Variants in C18orf63 observed in about 807,000 individuals in gnomAD.
C18orf63 encodes uncharacterized protein C18orf63.
Under a neutral mutation model 75.3 loss-of-function variants are expected in C18orf63, and 50 were observed. That is an observed-to-expected ratio of 0.66 (90% confidence interval 0.53 to 0.84). The LOEUF (loss-of-function observed/expected upper bound fraction) is 0.84. Among genes scored for constraint, C18orf63 ranks in the 40% least tolerant of loss-of-function variants. C18orf63 has a pLI of 0.00. For missense variants in C18orf63, 732 were observed against 800.2 expected, an observed-to-expected ratio of 0.91 and a Z score of 1.03; for synonymous variants, 232 against 267.6, an observed-to-expected ratio of 0.87 and a Z score of 1.30.
chr18:74,343,508 A>G lies in C18orf63; in HGVS notation c.795-11A>G, dbSNP rs1984522097. 6.7e-7 allele frequency: 1 copy of G among 1,495,718 alleles called. No individual in the cohort carries two copies. Among genetic ancestry groups the G allele is most frequent in the African/African-American group, 1.4e-5 (1 of 71,304 alleles). 92.7% of individuals were successfully genotyped at this position (1,495,718 alleles called of 1,614,324 possible). On this transcript the variant is annotated splice_polypyrimidine_tract_variant and intron_variant, in intron 10 of 13. Transcript: ENST00000579455. ...TAATAAAATCAGACATTGTTCTTTA[A>G]CATTGTTCAGATATCCTCTCAGTTG...
intron 2 of C18orf63, among the ~76,000 whole-genome samples, chr18:74,320,086 T>C (rs1984093401): frequency 6.6e-6 from 1 of 152,166 alleles, no homozygotes; most frequent in East Asian, 1.9e-4. Flanking sequence ...AATGTTCCAA[T>C]AGAGTAAAAA....
chr18:74,327,831 C>A, intron 4 of C18orf63, 116 bp from the exon 5 acceptor site: 1 of 646,524 alleles, frequency 1.5e-6, no homozygotes, highest in African/African-American at 1.8e-5. Context: ...TAAGTTTTAC[C>A]TAGAACACCC....
chr18:74,341,030 C>T (rs887874062), intron 8 of C18orf63, among the ~76,000 whole-genome samples: 2 of 151,624 alleles, frequency 1.3e-5, no homozygotes, highest in South Asian at 2.1e-4. Flanking sequence ...TTTGGGAGGC[C>T]GAGGCTGGCG....
At chr18:74,319,441 T>G (rs1235032415) in intron 2 of C18orf63, among the ~76,000 whole-genome samples, 1 of 118,146 alleles carries the variant, frequency 8.5e-6, no homozygotes, top group African/African-American at 2.6e-5. Context: ...GTTATTTTAA[T>G]TTGTTTCTTT....
In C18orf63 at chr18:74,330,936, A is replaced by G. The variant is rs1984294512; in HGVS notation, c.495A>G (p.Ala165=). ...AAGCTTGCACAATCAGACTGCCAGC[A>G]CCTGAGGTACCATATATTGTGATTT... ...SIEACTIRLP[A]PELKEFEISQ... is the part of the protein sequence containing the mutation. The change falls in exon 7 of 14, where the codon GCA becomes GCG. Residue 165 remains alanine, a synonymous_variant. Coordinates refer to ENST00000579455, the MANE Select transcript of C18orf63 (RefSeq NM_001174123.2). 1.4e-6 allele frequency: 2 copies of G among 1,422,030 alleles called. No homozygotes were observed. The highest frequency in any genetic ancestry group is 1.4e-5 in the South Asian group (1 of 73,728). 88.1% of individuals were successfully genotyped at this position (1,422,030 alleles called of 1,614,324 possible). A position where few individuals can be genotyped will look rare whatever the true frequency, so the allele number is the denominator to read the frequency against.
At chr18:74,337,728 G>A (rs376316701) in intron 7 of C18orf63, among the ~76,000 whole-genome samples, 1 of 152,156 alleles carries the variant, frequency 6.6e-6, no homozygotes, top group African/African-American at 2.4e-5. Flanking sequence ...ACCTCACAAC[G>A]TAACTAGCAT....
In C18orf63 at chr18:74,317,999, G is replaced by A; in HGVS notation, c.134G>A (p.Arg45Lys). The change falls in exon 2 of 14, where the codon AGG becomes AAG. Residue 45 changes from arginine (R) to lysine (K), a missense_variant and splice_region_variant. By Grantham distance (26) the Arg-to-Lys change is conservative (BLOSUM62 2). This residue lies in a region of C18orf63 where 233 missense variants were observed against 272.7 expected (regional missense o/e 0.85). Coordinates refer to ENST00000579455, the MANE Select transcript of C18orf63 (RefSeq NM_001174123.2). ...AGGACTATACAAATGAAGATGTGCA[G>A]GTAAAAAAATACATCTTATAACTAA... ...EIRTIQMKMCRQLLFLHQDIL... is the reference protein window; with the variant it reads ...EIRTIQMKMCKQLLFLHQDIL... 2.0e-6 allele frequency: 3 copies of A among 1,475,574 alleles called. No homozygotes were observed. The highest frequency in any genetic ancestry group is 2.5e-5 in the East Asian group (1 of 39,412). The allele number at this position is 1,475,574 out of a possible 1,614,324, so 91.4% of individuals were successfully genotyped here. A position where few individuals can be genotyped will look rare whatever the true frequency, so the allele number is the denominator to read the frequency against.
At chr18:74,317,555 C>T (rs1434588762) in intron 1 of C18orf63, among the ~76,000 whole-genome samples, 9 of 152,156 alleles carry the variant, frequency 5.9e-5, no homozygotes, top group Non-Finnish European at 1.3e-4. Context: ...GATGGTTGCA[C>T]AACTCTGAAT....
At chr18:74,354,369 C>T in intron 12 of C18orf63, 88 bp from the exon 13 acceptor site, 1 of 1,267,172 alleles carries the variant, frequency 7.9e-7, no homozygotes, top group East Asian at 2.5e-5. Context: ...TAGAACCATA[C>T]TAATTAATAA....
chr18:74,328,155 G>T, intron 5 of C18orf63, 97 bp downstream of exon 5: 1 of 713,298 alleles, frequency 1.4e-6, no homozygotes. Flanking sequence ...AAGACATACT[G>T]GAGACTGGAA....
intron 7 of C18orf63, among the ~76,000 whole-genome samples, chr18:74,333,738 A>G (rs1012534796): frequency 2.6e-5 from 4 of 152,194 alleles, no homozygotes; most frequent in African/African-American, 9.7e-5. Flanking sequence ...AAACCATATC[A>G]CCATCCATAT....
rs1048706379 is a variant in C18orf63, at chr18:74,357,348, G to T, written c.*901G>T. The stretch of plus-strand genomic sequence containing the variant: ...CTGGCACAGACTTAGGGATATGTAT[G>T]TATTGAAGCATATGTCCAGAATGAC... On this transcript the variant is annotated 3_prime_UTR_variant, in exon 14 of 14. Coordinates refer to ENST00000579455, the MANE Select transcript of C18orf63 (RefSeq NM_001174123.2). The T allele has an allele frequency of 1.2e-4, 19 of 152,126 alleles. No homozygotes were observed. Among genetic ancestry groups the T allele is most frequent in the African/African-American group, 4.6e-4 (19 of 41,432 alleles). 9.4% of individuals were successfully genotyped at this position (152,126 alleles called of 1,614,324 possible).
chr18:74,355,088 A>G (rs1237582654), intron 13 of C18orf63, among the ~76,000 whole-genome samples: 2 of 152,326 alleles, frequency 1.3e-5, no homozygotes, highest in Admixed American at 6.5e-5. Context: ...CATCTGTTCT[A>G]TTCTAAGAAC....
At chr18:74,323,910 G>A (rs1206547828) in intron 4 of C18orf63, among the ~76,000 whole-genome samples, 1 of 152,128 alleles carries the variant, frequency 6.6e-6, no homozygotes, top group Non-Finnish European at 1.5e-5. Context: ...TGTATAAAGT[G>A]TCCCAGGCTG....
intron 7 of C18orf63, among the ~76,000 whole-genome samples, chr18:74,331,499 T>C (rs1165816572): frequency 3.3e-5 from 5 of 152,170 alleles, no homozygotes; most frequent in Admixed American, 2.6e-4. Context: ...ATGGAAGCGG[T>C]TGAGGGCAGG....
Position 74,327,967 on chromosome 18 carries a change from A to G in C18orf63, c.291A>G (p.Val97=), listed in dbSNP as rs1171220444. The change falls in exon 5 of 14, where the codon GTA becomes GTG. Residue 97 remains valine, a synonymous_variant. Coordinates refer to ENST00000579455, the MANE Select transcript of C18orf63 (RefSeq NM_001174123.2). The part of the protein sequence containing the change: ...YGAKMEAPQR[V]IPVILQNCLS... ...TTTAGATGGAGGCTCCACAAAGAGTAATTCCTGTAATTCTTCAGAACTGCC... is the reference window on the plus strand; with the variant it reads ...TTTAGATGGAGGCTCCACAAAGAGTGATTCCTGTAATTCTTCAGAACTGCC... 2.6e-6 allele frequency: 4 copies of G among 1,534,812 alleles called. No homozygotes were observed. The highest frequency in any genetic ancestry group is 3.9e-5 in the Admixed American group (2 of 50,978).
Position 74,316,005 on chromosome 18 carries a change from C to G in C18orf63, c.-137C>G, listed in dbSNP as rs556348479. On this transcript the variant is annotated 5_prime_UTR_variant, in exon 1 of 14. Transcript: ENST00000579455. ...GGCAGAGCGGAAGCGAGGGAGACTG[C>G]TGGAGGCCCTGCCGCCCACCCGCCC... 16 of 152,564 alleles carry G rather than the reference C, an allele frequency of 1.0e-4. No individual in the cohort carries two copies. The East Asian group carries it at 2.7e-3, about 26-fold the overall frequency. The allele number at this position is 152,564 out of a possible 1,614,324, so 9.5% of individuals were successfully genotyped here.
chr18:74,325,695 G>A (rs1385011038), intron 4 of C18orf63, among the ~76,000 whole-genome samples: 1 of 152,162 alleles, frequency 6.6e-6, no homozygotes, highest in Admixed American at 6.5e-5. Context: ...GGCAATTGCT[G>A]CAAACTTTCC....
chr18:74,355,183 T>C (rs1339674094), intron 13 of C18orf63, among the ~76,000 whole-genome samples: 1 of 152,254 alleles, frequency 6.6e-6, no homozygotes, highest in Non-Finnish European at 1.5e-5. Flanking sequence ...AAGAACCAAC[T>C]AGAAAACATT....
Sources: gnomAD v4.1 joint callset for allele counts (sites outside exome capture counted in the v4.1 genomes callset) on GRCh38, gnomAD v4.1.1 for gene constraint, gnomAD v4.1.1 regional missense constraint, MANE v1.5 for transcripts, NCBI Gene and HGNC (gene_info 2026-07-23, HGNC 2026-07-21) for gene names.